EYS: variants seen among roughly 807,000 people sequenced by gnomAD.
EYS encodes protein eyes shut homolog.
Under a neutral mutation model 282.1 loss-of-function variants are expected in EYS, and 250 were observed. That is an observed-to-expected ratio of 0.89 (90% CI 0.80 to 0.98). The LOEUF is 0.98. Ranked by LOEUF, EYS falls within the 50% of genes least tolerant of loss-of-function variation. The probability of loss-of-function intolerance (pLI) is 0.00; values close to 1 mark genes in which losing one functional copy is unlikely to be tolerated. For missense variants in EYS, 4,016 were observed against 3,709.0 expected (o/e 1.08, Z -2.15); for synonymous variants, 1,355 against 1,282.9 (o/e 1.06, Z -1.20).
intron 12 of EYS, among the ~76,000 whole-genome samples, chr6:65,203,873 T>C (rs1022516776): frequency 6.6e-6 from 1 of 151,708 alleles, no homozygotes. Flanking sequence ...AATAGATATA[T>C]TTTTTAAATA....
intron 22 of EYS, among the ~76,000 whole-genome samples, chr6:64,742,266 C>G (rs563637411): frequency 5.3e-5 from 8 of 152,238 alleles, no homozygotes; most frequent in African/African-American, 1.9e-4. Context: ...CACACATTTA[C>G]TGATTGTTTG....
chr6:65,502,095 T>C (rs1484956964), intron 2 of EYS, among the ~76,000 whole-genome samples: 2 of 151,760 alleles, frequency 1.3e-5, no homozygotes, highest in African/African-American at 4.8e-5. Context: ...GTTCTCTGTT[T>C]AAACATTGAC....
At chr6:64,758,628 T>A (rs1158043247) in intron 22 of EYS, among the ~76,000 whole-genome samples, 2 of 152,132 alleles carry the variant, frequency 1.3e-5, no homozygotes, top group African/African-American at 4.8e-5. Flanking sequence ...GTTTTATCAT[T>A]CCCTCCACTG....
In EYS at chr6:65,374,781, C is replaced by T. The variant is rs1765297738; in HGVS notation, c.1299+9605G>A. On this transcript the variant is annotated intron_variant, in intron 8 of 42. Transcript: ENST00000503581. ...TCCCCTGACCCTTCTAAAGACTGGG[C>T]GGAACGCATCACAGCACAGCAAAGC... Among the ~76,000 whole-genome samples, 4 of 152,164 alleles carry T rather than the reference C, an allele frequency of 2.6e-5. No homozygotes were observed. The South Asian group carries it at 8.3e-4, about 32-fold the overall frequency.
At chr6:65,636,033 T>A (rs555704961) in intron 2 of EYS, among the ~76,000 whole-genome samples, 1 of 152,322 alleles carries the variant, frequency 6.6e-6, no homozygotes, top group South Asian at 2.1e-4. Context: ...CTTGTGTCAA[T>A]TAAACTTTTC....
At position 64,873,905 on chromosome 6, in the gene EYS, A is replaced by C. The variant is rs545391028; in HGVS notation, c.2992+12792T>G. ...ATTTTTTTCTTTTTGCATTAGAAAT[A>C]TTAGGGCCAAGATTTCAAATTGCAA... On this transcript the variant is annotated intron_variant, in intron 19 of 42. Transcript: ENST00000503581. 3.3e-4 allele frequency among the ~76,000 whole-genome samples: 50 copies of C among 152,198 alleles called. No individual in the cohort carries two copies. The South Asian group carries it at 0.01, about 32-fold the overall frequency.
chr6:64,703,427 A>ATTTTTTTTTTTTT (rs1488123469), intron 22 of EYS, among the ~76,000 whole-genome samples: 2 of 28,416 alleles, frequency 7.0e-5, no homozygotes, highest in South Asian at 1.7e-3. Flanking sequence ...ATATATATAT[A>ATTTTTTTTTTTTT]TATTTTTTTT....
intron 22 of EYS, among the ~76,000 whole-genome samples, chr6:64,679,196 TC>T (rs201318617): frequency 7.7e-5 from 1 of 13,002 alleles, no homozygotes; most frequent in Non-Finnish European, 6.0e-3. Flanking sequence ...TTCTGATGGT[TC>T]TTTTTTTTTA....
chr6:63,893,934 T>C (rs569888330), intron 35 of EYS, among the ~76,000 whole-genome samples: 1 of 152,106 alleles, frequency 6.6e-6, no homozygotes, highest in Non-Finnish European at 1.5e-5. Flanking sequence ...TGGAGATCTT[T>C]AAAAAGTGGT....
At chr6:65,172,458 G>A (rs9453215) in intron 12 of EYS, among the ~76,000 whole-genome samples, 11,527 of 151,318 alleles carry the variant, frequency 0.076, 932 homozygotes, top group African/African-American at 0.2. Flanking sequence ...TGGCCATTCT[G>A]CTTCCTGAAG....
chr6:65,572,409 G>C (rs2127353506), intron 2 of EYS, among the ~76,000 whole-genome samples: 1 of 152,204 alleles, frequency 6.6e-6, no homozygotes, highest in South Asian at 2.1e-4. Context: ...ATGTTGTTAA[G>C]TCTCAGAAAA....
chr6:64,177,873 G>A lies in EYS; in HGVS notation c.6424+52719C>T, dbSNP rs534332346. Among the ~76,000 whole-genome samples, 30 of 152,168 alleles carry A rather than the reference G, an allele frequency of 2.0e-4. No homozygotes were observed. The South Asian group carries it at 6.2e-3, about 32-fold the overall frequency. On this transcript the variant is annotated intron_variant, in intron 31 of 42. Coordinates refer to ENST00000503581, the MANE Select transcript of EYS (RefSeq NM_001142800.2). ...TCTGTCCAGAAGGTTTTCCCCTTTT[G>A]GGGGCGACATTAAACTCTCACATCT...
intron 5 of EYS, among the ~76,000 whole-genome samples, chr6:65,417,465 A>G (rs551938359): frequency 7.2e-5 from 11 of 152,172 alleles, no homozygotes; most frequent in Admixed American, 3.3e-4. Flanking sequence ...ACTAGGATTG[A>G]GCACACAACC....
At chr6:64,026,470 A>G (rs1003544449) in intron 33 of EYS, among the ~76,000 whole-genome samples, 1 of 152,160 alleles carries the variant, frequency 6.6e-6, no homozygotes, top group Non-Finnish European at 1.5e-5. Flanking sequence ...TTTCTGCACT[A>G]TGACTTGGCC....
intron 36 of EYS, among the ~76,000 whole-genome samples, chr6:63,846,413 A>T (rs1190467958): frequency 6.6e-6 from 1 of 152,164 alleles, no homozygotes. Flanking sequence ...GAGCTTAAAG[A>T]CTTGGGGCAG....
intron 8 of EYS, among the ~76,000 whole-genome samples, chr6:65,374,508 T>TTTC (rs1765284305): frequency 6.7e-6 from 1 of 149,822 alleles, no homozygotes; most frequent in South Asian, 2.1e-4. Context: ...CGGAGTTTTT[T>TTTC]TTTTTTTCGT....
intron 33 of EYS, among the ~76,000 whole-genome samples, chr6:64,023,849 G>T (rs113253265): frequency 0.046 from 7,044 of 152,292 alleles, 490 homozygotes; most frequent in African/African-American, 0.16. Flanking sequence ...GTGGGCGTGG[G>T]CTCAGTGGGC....
At chr6:64,038,780 T>C (rs1770243247) in intron 33 of EYS, among the ~76,000 whole-genome samples, 1 of 151,928 alleles carries the variant, frequency 6.6e-6, no homozygotes, top group Non-Finnish European at 1.5e-5. Flanking sequence ...TAATTTTCTT[T>C]TTACTTTTGT....
At chr6:64,391,741 C>T (rs1393054737) in intron 28 of EYS, among the ~76,000 whole-genome samples, 5 of 152,104 alleles carry the variant, frequency 3.3e-5, no homozygotes, top group South Asian at 2.1e-4. Context: ...AACCAGCTAA[C>T]ATCATAATGA....
Sources: gnomAD v4.1 joint callset for allele counts (sites outside exome capture counted in the v4.1 genomes callset) on GRCh38, gnomAD v4.1.1 for gene constraint, MANE v1.5 for transcripts, NCBI Gene and HGNC (gene_info 2026-07-23, HGNC 2026-07-21) for gene names.